The following CNOT10 variants were observed in gnomAD, a reference collection of about 807,000 sequenced individuals.
CNOT10 encodes CCR4-NOT transcription complex, subunit 10.
Under a neutral mutation model 94.6 loss-of-function variants are expected in CNOT10, and 30 were observed. The observed-to-expected ratio is 0.32, with a 90% CI of 0.24 to 0.43. CNOT10 has a LOEUF of 0.43. Ranked by LOEUF, CNOT10 falls within the 20% of genes least tolerant of loss-of-function variation. CNOT10 has a pLI of 1.00. For missense variants in CNOT10, 759 were observed against 877.2 expected, an observed-to-expected ratio of 0.87 and a Z score of 1.70; for synonymous variants, 289 against 301.6, an observed-to-expected ratio of 0.96 and a Z score of 0.43.
intron 10 of CNOT10, among the ~76,000 whole-genome samples, chr3:32,733,222 A>T (rs1003465464): frequency 1.2e-4 from 19 of 152,178 alleles, no homozygotes; most frequent in African/African-American, 4.6e-4. Context: ...ATGTAAACAA[A>T]ATGTAGCACA....
intron 13 of CNOT10, among the ~76,000 whole-genome samples, chr3:32,755,006 G>A (rs1470207828): frequency 6.6e-6 from 1 of 151,578 alleles, no homozygotes; most frequent in African/African-American, 2.4e-5. Flanking sequence ...CAGCACTTTG[G>A]GAGTCCAAGG....
chr3:32,748,702 G>A (rs1699822876), intron 13 of CNOT10, among the ~76,000 whole-genome samples: 1 of 151,876 alleles, frequency 6.6e-6, no homozygotes, highest in African/African-American at 2.4e-5. Flanking sequence ...TAGAGACGGT[G>A]TTTCACCATT....
Position 32,773,706 on chromosome 3 carries a change from G to T in CNOT10, c.*95G>T. The T allele has an allele frequency of 7.6e-7, 1 of 1,322,032 alleles. No individual in the cohort carries two copies. The highest frequency in any genetic ancestry group is 1.6e-5 in the South Asian group (1 of 61,104). 81.9% of individuals were successfully genotyped at this position (1,322,032 alleles called of 1,614,324 possible). A position where few individuals can be genotyped will look rare whatever the true frequency, so the allele number is the denominator to read the frequency against. ...AGCAGAATGAATAAAAGATGGTGAA[G>T]GCTGTTAATTTTGAGTCAATTCTAC... On this transcript the variant is annotated 3_prime_UTR_variant, in exon 19 of 19. Transcript: ENST00000328834.
intron 4 of CNOT10, among the ~76,000 whole-genome samples, chr3:32,712,977 T>C (rs1291377639): frequency 6.6e-6 from 1 of 152,254 alleles, no homozygotes; most frequent in Non-Finnish European, 1.5e-5. Context: ...TGCTAGTGTT[T>C]AGTAGATATT....
chr3:32,698,779 C>G (rs1279717428), intron 1 of CNOT10, among the ~76,000 whole-genome samples: 1 of 152,062 alleles, frequency 6.6e-6, no homozygotes, highest in Non-Finnish European at 1.5e-5. Flanking sequence ...CTGTTGACAA[C>G]TGGTTCTTTT....
chr3:32,764,701 G>A lies in CNOT10; in HGVS notation c.1896G>A (p.Gln632=), dbSNP rs560391870. 21 of 1,614,132 alleles carry A rather than the reference G, an allele frequency of 1.3e-5. No individual in the cohort carries two copies. In the African/African-American group the frequency reaches 1.3e-4, roughly 10 times the overall value. The part of the protein sequence containing the change: ...AMESSGKRAP[Q]CYPSSVNSAR... ...CCCCAGCTGGTAAGCGGGCCCCTCA[G>A]TGCTACCCCAGTTCCGTCAACTCTG... Residue 632 remains glutamine, a synonymous_variant, in exon 17 of 19, where the codon CAG becomes CAA. Transcript: ENST00000328834.
At chr3:32,742,864 A>T (rs768606257) in intron 13 of CNOT10, among the ~76,000 whole-genome samples, 1 of 152,234 alleles carries the variant, frequency 6.6e-6, no homozygotes. Flanking sequence ...TGCTGTTACA[A>T]ATAATGCTGC....
At chr3:32,757,273 A>G (rs1700265706) in intron 13 of CNOT10, among the ~76,000 whole-genome samples, 1 of 125,262 alleles carries the variant, frequency 8.0e-6, no homozygotes, top group Non-Finnish European at 1.6e-5. Context: ...TCCACCTTCC[A>G]GGTTCAAGCG....
chr3:32,722,429 A>G (rs1014870031), intron 8 of CNOT10, among the ~76,000 whole-genome samples: 1 of 152,214 alleles, frequency 6.6e-6, no homozygotes, highest in Non-Finnish European at 1.5e-5. Context: ...ACAACATGCA[A>G]TGATCCCTCA....
intron 7 of CNOT10, among the ~76,000 whole-genome samples, chr3:32,719,235 C>T (rs945004720): frequency 2.0e-5 from 3 of 151,984 alleles, no homozygotes; most frequent in African/African-American, 4.8e-5. Context: ...GGCAACGGAG[C>T]GAGACTCCGT....
chr3:32,747,690 C>T (rs927724762), intron 13 of CNOT10, among the ~76,000 whole-genome samples: 1 of 152,078 alleles, frequency 6.6e-6, no homozygotes, highest in Non-Finnish European at 1.5e-5. Context: ...TGGCTCACGC[C>T]TGTAATCCCA....
At chr3:32,753,372 C>G (rs539111230) in intron 13 of CNOT10, 2 of 1,357,756 alleles carry the variant, frequency 1.5e-6, no homozygotes, top group South Asian at 1.2e-5. Context: ...ATTACACTTA[C>G]GATCAAGAAT....
At chr3:32,724,655 G>A (rs980094271) in intron 8 of CNOT10, among the ~76,000 whole-genome samples, 10 of 151,906 alleles carry the variant, frequency 6.6e-5, no homozygotes, top group African/African-American at 1.2e-4. Flanking sequence ...CTCGTGATCC[G>A]CCCACCTCGG....
Position 32,720,182 on chromosome 3 carries a change from G to T in CNOT10, c.813G>T (p.Lys271Asn). The change falls in exon 8 of 19, where the codon AAG becomes AAT. Residue 271 changes from lysine to asparagine, a missense_variant. Lys to Asn is a moderately conservative substitution (Grantham distance 94, BLOSUM62 0). This residue lies in a region of CNOT10 where 682 missense variants were observed against 799.4 expected (regional missense o/e 0.85). Coordinates refer to ENST00000328834, the MANE Select transcript of CNOT10 (RefSeq NM_015442.3). ...YLRGNYRKAV[K>N]LLNSSNIAEH... Reference sequence around the variant, plus strand: ...GAGGTAATTATCGAAAAGCCGTGAAGCTATTAAATAGTTCAAACATTGCTG... The same window carrying T: ...GAGGTAATTATCGAAAAGCCGTGAATCTATTAAATAGTTCAAACATTGCTG... 6.4e-7 allele frequency: 1 copy of T among 1,551,818 alleles called. No homozygotes were observed. Among genetic ancestry groups the T allele is most frequent in the South Asian group, 1.2e-5 (1 of 81,994 alleles).
chr3:32,754,488 A>AT (rs1332931372), intron 13 of CNOT10, among the ~76,000 whole-genome samples: 2,410 of 33,216 alleles, frequency 0.073, 301 homozygotes, highest in East Asian at 0.16. Context: ...AAAAAAAAAA[A>AT]AATACATATA....
chr3:32,725,228 G>C (rs759382768), intron 8 of CNOT10, among the ~76,000 whole-genome samples: 1 of 152,016 alleles, frequency 6.6e-6, no homozygotes, highest in Non-Finnish European at 1.5e-5. Context: ...AATAGGACTG[G>C]TTTTTTTAAA....
chr3:32,732,352 T>G (rs1698997898), intron 10 of CNOT10, among the ~76,000 whole-genome samples: 1 of 151,954 alleles, frequency 6.6e-6, no homozygotes, highest in Non-Finnish European at 1.5e-5. Context: ...ACAACACCGC[T>G]GCACCCAAGC....
intron 4 of CNOT10, among the ~76,000 whole-genome samples, 160 bp downstream of exon 4, chr3:32,708,980 T>G (rs1391188527): frequency 6.6e-6 from 1 of 152,192 alleles, no homozygotes; most frequent in African/African-American, 2.4e-5. Flanking sequence ...AAAAATGTAA[T>G]CCAGGTTTTC....
intron 1 of CNOT10, chr3:32,695,418 C>T: frequency 1.2e-5 from 7 of 588,124 alleles, no homozygotes; most frequent in African/African-American, 7.6e-5. Context: ...TCCCTTTTTT[C>T]TTTGGAAAAG....
Sources: allele counts gnomAD v4.1 joint callset (sites outside exome capture counted in the v4.1 genomes callset), GRCh38; gene constraint gnomAD v4.1.1; regional missense constraint gnomAD v4.1.1; transcripts MANE v1.5; gene names NCBI Gene and HGNC (gene_info 2026-07-23, HGNC 2026-07-21).